MYLK4: variants seen among roughly 807,000 people sequenced by gnomAD.
The protein encoded by MYLK4 is myosin light chain kinase family member 4.
Under a neutral mutation model 48.1 loss-of-function variants are expected in MYLK4, and 46 were observed. The observed-to-expected ratio is 0.96, with a 90% confidence interval of 0.75 to 1.22. The LOEUF is 1.22. Ranked by LOEUF, MYLK4 falls within the 50% of genes most tolerant of loss-of-function variation. MYLK4 has a pLI of 0.00. For synonymous variants in MYLK4, 170 were observed against 180.8 expected (o/e 0.94, Z 0.48); for missense variants, 451 against 486.1 (o/e 0.93, Z 0.68).
intron 2 of MYLK4, among the ~76,000 whole-genome samples, chr6:2,740,364 G>A (rs964472441): frequency 3.9e-5 from 6 of 152,188 alleles, no homozygotes; most frequent in Non-Finnish European, 5.9e-5. Context: ...TCTTCCCAGG[G>A]TTCTCTGGCA....
chr6:2,762,600 T>G, the MYLK4 span, among the ~76,000 whole-genome samples: 1 of 152,268 alleles, frequency 6.6e-6, no homozygotes, highest in Non-Finnish European at 1.5e-5. Context: ...CTAAAACTTG[T>G]TTTGCAAGTA....
chr6:2,708,273 G>A (rs1762561283), intron 2 of MYLK4, among the ~76,000 whole-genome samples: 1 of 152,148 alleles, frequency 6.6e-6, no homozygotes, highest in Non-Finnish European at 1.5e-5. Flanking sequence ...ACTATTCCCT[G>A]ATGAAAACCT....
At chr6:2,760,678 C>T in the MYLK4 span, among the ~76,000 whole-genome samples, 1 of 152,032 alleles carries the variant, frequency 6.6e-6, no homozygotes, top group Non-Finnish European at 1.5e-5. Context: ...AATGGAAAAT[C>T]ACCTAAAACT....
intron 2 of MYLK4, among the ~76,000 whole-genome samples, chr6:2,712,404 G>A (rs768977192): frequency 6.6e-5 from 10 of 152,104 alleles, no homozygotes; most frequent in Non-Finnish European, 1.5e-4. Flanking sequence ...TCTACTTCAG[G>A]CCCTTTAAAC....
At chr6:2,762,211 CTTAA>C in the MYLK4 span, among the ~76,000 whole-genome samples, 13 of 152,158 alleles carry the variant, frequency 8.5e-5, no homozygotes, top group African/African-American at 2.9e-4. Context: ...TTCTATCTCT[CTTAA>C]TTTTTACTCC....
intron 2 of MYLK4, among the ~76,000 whole-genome samples, chr6:2,716,546 G>A (rs995237750): frequency 2.8e-4 from 43 of 152,310 alleles, no homozygotes; most frequent in African/African-American, 1.0e-3. Context: ...CCACATGCTA[G>A]TATGTGGTAT....
intron 11 of MYLK4, among the ~76,000 whole-genome samples, chr6:2,674,653 C>CACGA (rs1372701380): frequency 6.6e-6 from 1 of 152,134 alleles, no homozygotes; most frequent in Non-Finnish European, 1.5e-5. Flanking sequence ...GTGGGTGGAT[C>CACGA]ACGAGGTCAG....
chr6:2,765,558 G>A, the MYLK4 span: 1 of 1,380,494 alleles, frequency 7.2e-7, no homozygotes, highest in African/African-American at 1.5e-5. Context: ...GGAGGGCATC[G>A]AAGGCCTCCG....
At chr6:2,735,205 G>T (rs1763626587) in intron 2 of MYLK4, among the ~76,000 whole-genome samples, 1 of 152,122 alleles carries the variant, frequency 6.6e-6, no homozygotes, top group Admixed American at 6.5e-5. Flanking sequence ...CAAGAATCAG[G>T]TTGCCTTCTT....
Position 2,667,373 on chromosome 6 carries a change from G to C in MYLK4, c.*552C>G, listed in dbSNP as rs1760699265. Reference sequence around the variant, plus strand: ...GCAAACAAATTATTTATCCATTGTAGTCACGTGACCACAGACCAAATCAAA... The same window carrying C: ...GCAAACAAATTATTTATCCATTGTACTCACGTGACCACAGACCAAATCAAA... On this transcript the variant is annotated 3_prime_UTR_variant, in exon 13 of 13. Transcript: ENST00000274643. 6.6e-6 allele frequency: 1 copy of C among 152,172 alleles called. No individual in the cohort carries two copies. The highest frequency in any genetic ancestry group is 1.5e-5 in the Non-Finnish European group (1 of 68,036). The allele number at this position is 152,172 out of a possible 1,614,324, so 9.4% of individuals were successfully genotyped here. A position where few individuals can be genotyped will look rare whatever the true frequency, so the allele number is the denominator to read the frequency against.
intron 2 of MYLK4, among the ~76,000 whole-genome samples, chr6:2,739,171 C>T (rs577566306): frequency 9.2e-5 from 14 of 152,246 alleles, no homozygotes; most frequent in Non-Finnish European, 1.5e-4. Context: ...CTACCAACTT[C>T]GGCCAGGCAC....
chr6:2,710,467 A>G (rs1311994317), intron 2 of MYLK4, among the ~76,000 whole-genome samples: 2 of 152,236 alleles, frequency 1.3e-5, no homozygotes, highest in Non-Finnish European at 2.9e-5. Context: ...AAAACTCACC[A>G]GGTCACCACA....
chr6:2,673,555 G>A lies in MYLK4; in HGVS notation c.1119+1492C>T, dbSNP rs565390199. On this transcript the variant is annotated intron_variant, in intron 11 of 12. Transcript: ENST00000274643. This position sits in a 1 kb window ranked among gnomAD's most constrained non-coding sequence, Gnocchi z 4.2. ...AGAAACAAAAACGTATCAAACCCAT[G>A]CTATACCAGGGCAGGGCACCAGCCA... is the stretch of plus-strand genomic sequence containing the variant. Among the ~76,000 whole-genome samples the A allele has an allele frequency of 1.3e-5, 2 of 152,296 alleles. No individual in the cohort carries two copies. Among genetic ancestry groups the A allele is most frequent in the South Asian group, 4.1e-4 (2 of 4,824 alleles).
chr6:2,685,545 C>T lies in MYLK4; in HGVS notation c.373G>A (p.Glu125Lys). The part of the protein sequence containing the change: ...GRFGQVHKCE[E>K]TATGLKLAAK... Reference sequence around the variant, plus strand: ...GCCAGCTTCAGACCTGTGGCCGTCTCCTCACACTTGTGAACCTGGCCGAAA... The same window carrying T: ...GCCAGCTTCAGACCTGTGGCCGTCTTCTCACACTTGTGAACCTGGCCGAAA... The change falls in exon 5 of 13, where the codon GAG becomes AAG. Residue 125 changes from glutamate (E) to lysine (K), a missense_variant. By Grantham distance (56) the Glu-to-Lys change is moderately conservative. Transcript: ENST00000274643. This position sits in a 1 kb window ranked among gnomAD's most constrained non-coding sequence, Gnocchi z 4.5. The T allele has an allele frequency of 6.2e-7, 1 of 1,614,186 alleles. No homozygotes were observed. The highest frequency in any genetic ancestry group is 8.5e-7 in the Non-Finnish European group (1 of 1,180,036).
intron 2 of MYLK4, among the ~76,000 whole-genome samples, chr6:2,737,989 G>GGGGGGGGGGGGGGGA (rs796444548): frequency 1.6e-5 from 1 of 62,096 alleles, no homozygotes; most frequent in Admixed American, 1.9e-4. Flanking sequence ...GGTGGGGGGG[G>GGGGGGGGGGGGGGGA]GGTGGTCAAT....
intron 2 of MYLK4, among the ~76,000 whole-genome samples, chr6:2,720,378 T>G (rs933534489): frequency 2.0e-4 from 29 of 147,894 alleles, no homozygotes; most frequent in African/African-American, 6.6e-4. Context: ...CACTCCAGCC[T>G]GGAGACACAG....
intron 2 of MYLK4, among the ~76,000 whole-genome samples, chr6:2,722,552 T>TGTGTGTGTGC (rs1430778193): frequency 5.6e-4 from 81 of 145,522 alleles, no homozygotes; most frequent in Non-Finnish European, 1.8e-4. Flanking sequence ...TGTGTGTGTG[T>TGTGTGTGTGC]GTGTTGGAGG....
the MYLK4 span, among the ~76,000 whole-genome samples, chr6:2,761,584 G>A: frequency 2.6e-5 from 4 of 152,134 alleles, no homozygotes; most frequent in East Asian, 7.7e-4. Context: ...CTTTCACATT[G>A]ACAAGTTCAC....
chr6:2,766,144 C>G, the MYLK4 span: 4 of 1,314,284 alleles, frequency 3.0e-6, no homozygotes, highest in East Asian at 3.1e-5. Context: ...ACGGCGATGG[C>G]GACGGGGACG....
Sources: allele counts gnomAD v4.1 joint callset (sites outside exome capture counted in the v4.1 genomes callset), GRCh38; gene constraint gnomAD v4.1.1; non-coding constraint Gnocchi (gnomAD v3.1); transcripts MANE v1.5; gene names NCBI Gene and HGNC (gene_info 2026-07-23, HGNC 2026-07-21).